F12: variants seen among roughly 807,000 people sequenced by gnomAD.
F12 encodes the protein Hageman factor.
F12 carries 70 observed loss-of-function variants against 74.8 expected under a neutral mutation model. The ratio of observed to expected loss-of-function variants is 0.94; its 90% CI spans 0.77 to 1.14. F12 has a LOEUF of 1.14. Ranked by LOEUF, F12 falls within the 50% of genes most tolerant of loss-of-function variation. The pLI, the probability that F12 is intolerant of heterozygous loss-of-function variation, is 0.00. For synonymous variants in F12, 373 were observed against 356.4 expected (o/e 1.05, Z -0.52); for missense variants, 811 against 835.7 (o/e 0.97, Z 0.36).
chr5:177,403,090 C>G, intron 12 of F12, 164 bp downstream of exon 12: 1 of 880,024 alleles, frequency 1.1e-6, no homozygotes, highest in East Asian at 2.6e-5. Flanking sequence ...ATCCCAGGCC[C>G]TGGGATTCTA....
At chr5:177,402,819 C>T in intron 12 of F12, 121 bp from the exon 13 acceptor site, 1 of 1,392,142 alleles carries the variant, frequency 7.2e-7, no homozygotes, top group South Asian at 1.2e-5. Flanking sequence ...GCAGCAAGCC[C>T]GAAGGGGAGG....
At position 177,405,931 on chromosome 5, in the gene F12, C is replaced by T. The variant is rs368701244; in HGVS notation, c.215+31G>A. ...ACAGGCAGGGTACATGTCTCCCAGG[C>T]CCCTGCTCCAACTCCTCTGCGTAGT... On this transcript the variant is annotated intron_variant, in intron 3 of 13. Coordinates refer to ENST00000253496, the MANE Select transcript of F12 (RefSeq NM_000505.4). 7.7e-5 allele frequency: 123 copies of T among 1,602,248 alleles called. No individual in the cohort carries two copies. The African/African-American group carries it at 1.5e-3, about 19-fold the overall frequency.
At chr5:177,406,443 C>T (rs1401894781) in intron 2 of F12, among the ~76,000 whole-genome samples, 3 of 151,782 alleles carry the variant, frequency 2.0e-5, no homozygotes, top group Admixed American at 6.6e-5. Flanking sequence ...GAGCCGAGAT[C>T]GCGCCACTGC....
chr5:177,404,165 C>A (rs750722005), intron 9 of F12, 31 bp downstream of exon 9: 4 of 1,555,632 alleles, frequency 2.6e-6, no homozygotes, highest in Non-Finnish European at 3.5e-6. Context: ...GGCGCCCTCT[C>A]GGCTCCTCCT....
Position 177,405,430 on chromosome 5 carries a change from T to G in F12, c.290A>C (p.His97Pro). 6.2e-7 allele frequency: 1 copy of G among 1,613,020 alleles called. No individual in the cohort carries two copies. Among genetic ancestry groups the G allele is most frequent in the African/African-American group, 1.3e-5 (1 of 75,042 alleles). ...CTGGCAGGGGCTGTGTTTGCTGCAGTGGTCTGAGAGATGGACATGGTGGAA... is the reference window on the plus strand; with the variant it reads ...CTGGCAGGGGCTGTGTTTGCTGCAGGGGTCTGAGAGATGGACATGGTGGAA... ...YCLEPKKVKD[H>P]CSKHSPCQKG... Residue 97 changes from histidine (H) to proline (P), a missense_variant, in exon 5 of 14, where the codon CAC becomes CCC. Transcript: ENST00000253496.
In F12 at chr5:177,405,809, T is replaced by C. The variant is rs1172990800; in HGVS notation, c.216-4A>G. On this transcript the variant is annotated splice_region_variant and splice_polypyrimidine_tract_variant and intron_variant, in intron 3 of 13. Coordinates refer to ENST00000253496, the MANE Select transcript of F12 (RefSeq NM_000505.4). ...AAAGTTGGGGGTGGTAGCACACCTG[T>C]AGAAAGAGACAAGGCTTCCCTGCTC... 2.5e-6 allele frequency: 4 copies of C among 1,614,110 alleles called. No homozygotes were observed. Among genetic ancestry groups the C allele is most frequent in the Middle Eastern group, 1.6e-4 (1 of 6,062 alleles).
intron 2 of F12, among the ~76,000 whole-genome samples, chr5:177,407,772 G>A (rs1336042465): frequency 4.9e-5 from 7 of 143,706 alleles, no homozygotes; most frequent in East Asian, 1.9e-4. Flanking sequence ...GGGACAGAGC[G>A]AGACTCCATC....
chr5:177,409,047 G>C lies in F12; in HGVS notation c.114C>G (p.Val38=), dbSNP rs765997905. The C allele has an allele frequency of 3.9e-6, 6 of 1,551,272 alleles. No homozygotes were observed. The highest frequency in any genetic ancestry group is 5.2e-6 in the Non-Finnish European group (6 of 1,146,994). ...GGGAGGAGGAGCCAGGCCACTTACC[G>C]ACTGTGTGCTCTTCAGCTTTGTACT... ...EHKYKAEEHT[V]VLTVTGEPCH... Residue 38 remains valine (V), a splice_region_variant and synonymous_variant, in exon 2 of 14, where the codon GTC becomes GTG. Transcript: ENST00000253496.
rs373535730 is a variant in F12, at chr5:177,402,428, T to C, written c.1712A>G (p.Asp571Gly). 1 of 1,611,702 alleles carries C rather than the reference T, an allele frequency of 6.2e-7. No individual in the cohort carries two copies. Among genetic ancestry groups the C allele is most frequent in the South Asian group, 1.1e-5 (1 of 90,682 alleles). The change falls in exon 14 of 14, where the codon GAC (aspartate) becomes GGC (glycine). Residue 571 changes from aspartate to glycine, a missense_variant. Transcript: ENST00000253496. ...GGTGAGCCGGCGCTCTGCAGCTTGG[T>C]CCTCACACACCAGCGGGCCTCCGGA... ...GDSGGPLVCE[D>G]QAAERRLTLQ...
At chr5:177,402,732 C>G in intron 12 of F12, 34 bp from the exon 13 acceptor site, 2 of 1,609,042 alleles carry the variant, frequency 1.2e-6, no homozygotes, top group Non-Finnish European at 1.7e-6. Context: ...CACACCCCAT[C>G]TGACAACGCT....
chr5:177,406,134 T>A, intron 2 of F12, 73 bp from the exon 3 acceptor site: 2 of 1,366,532 alleles, frequency 1.5e-6, no homozygotes. Flanking sequence ...CAGGGTCTGG[T>A]CAGGAAAAGG....
In F12 at chr5:177,409,548, G is replaced by C. The variant is rs1376815807; in HGVS notation, c.-21C>G. Reference sequence around the variant, plus strand: ...CTCATGGCATCCGTCCGTTGGTCCAGCTGCCTATCCAGGAGTCCAGATCAA... The same window carrying C: ...CTCATGGCATCCGTCCGTTGGTCCACCTGCCTATCCAGGAGTCCAGATCAA... On this transcript the variant is annotated 5_prime_UTR_variant, in exon 1 of 14. Transcript: ENST00000253496. 1 of 1,613,442 alleles carries C rather than the reference G, an allele frequency of 6.2e-7. No homozygotes were observed. Among genetic ancestry groups the C allele is most frequent in the Non-Finnish European group, 8.5e-7 (1 of 1,179,654 alleles).
intron 2 of F12, 111 bp from the exon 3 acceptor site, chr5:177,406,172 T>C: frequency 5.1e-6 from 5 of 981,488 alleles, no homozygotes; most frequent in South Asian, 1.3e-5. Context: ...TCGCTGTGCA[T>C]TGAAAACACT....
chr5:177,403,202 CCA>C, intron 12 of F12, 50 bp downstream of exon 12: 2 of 1,595,996 alleles, frequency 1.3e-6, no homozygotes, highest in Non-Finnish European at 1.7e-6. Flanking sequence ...TCCGCCTAAC[CCA>C]GTGATCAAAG....
chr5:177,405,910 G>T lies in F12; in HGVS notation c.215+52C>A, dbSNP rs368020806. ...CAGAGTTCCTTGGACAGAAGGACAG[G>T]CAGGGTACATGTCTCCCAGGCCCCT... On this transcript the variant is annotated intron_variant, in intron 3 of 13. Coordinates refer to ENST00000253496, the MANE Select transcript of F12 (RefSeq NM_000505.4). 1.2e-5 allele frequency: 20 copies of T among 1,600,734 alleles called. No homozygotes were observed. The African/African-American group carries it at 2.7e-4, about 21-fold the overall frequency.
rs1267369879 is a variant in F12 at position 177,402,714 on chromosome 5, G to T, written c.1532-16C>A. 10 of 1,610,800 alleles carry T rather than the reference G, an allele frequency of 6.2e-6. No homozygotes were observed. Among genetic ancestry groups the T allele is most frequent in the Non-Finnish European group, 8.5e-6 (10 of 1,179,796 alleles). ...TCCTCCGCCCCTGCGAACACAGAGC[G>T]CCTTCTTCACACCCCATCTGACAAC... On this transcript the variant is annotated splice_polypyrimidine_tract_variant and intron_variant, in intron 12 of 13. Transcript: ENST00000253496.
chr5:177,406,133 GT>G, intron 2 of F12, 72 bp from the exon 3 acceptor site: 1 of 1,359,068 alleles, frequency 7.4e-7, no homozygotes, highest in Non-Finnish European at 1.1e-6. Flanking sequence ...TCAGGGTCTG[GT>G]CAGGAAAAGG....
At position 177,405,983 on chromosome 5, in the gene F12, C is replaced by T; in HGVS notation, c.194G>A (p.Gly65Asp). The change falls in exon 3 of 14, where the codon GGC (glycine) becomes GAC (aspartate). Residue 65 changes from glycine to aspartate, a missense_variant. Physicochemically the swap from Gly to Asp is moderately conservative, Grantham distance 94 (BLOSUM62 -1). Coordinates refer to ENST00000253496, the MANE Select transcript of F12 (RefSeq NM_000505.4). Reference protein sequence around the residue: ...RQLYHKCTHKGRPGPQPWCAT... With the variant: ...RQLYHKCTHKDRPGPQPWCAT... ...TTACCAGGGCTGAGGGCCTGGCCGGCCCTTGTGGGTACATTTGTGGTACAG... is the reference window on the plus strand; with the variant it reads ...TTACCAGGGCTGAGGGCCTGGCCGGTCCTTGTGGGTACATTTGTGGTACAG... 1 of 1,614,076 alleles carries T rather than the reference C, an allele frequency of 6.2e-7. No individual in the cohort carries two copies. The highest frequency in any genetic ancestry group is 8.5e-7 in the Non-Finnish European group (1 of 1,180,022).
At position 177,404,205 on chromosome 5, in the gene F12, T is replaced by C; in HGVS notation, c.1009A>G (p.Thr337Ala). 6.2e-7 allele frequency: 1 copy of C among 1,602,334 alleles called. No homozygotes were observed. The highest frequency in any genetic ancestry group is 8.5e-7 in the Non-Finnish European group (1 of 1,173,936). ...CCCCCCACTTCCTAACCTCCCGGGG[T>C]CTGGGACTGAGGCGGGGTCCGGGTC... Reference protein sequence around the residue: ...PTTRTPPQSQTPGALPAKREQ... With the variant: ...PTTRTPPQSQAPGALPAKREQ... Residue 337 changes from threonine to alanine, a missense_variant, in exon 9 of 14, where the codon ACC (threonine) becomes GCC (alanine). Transcript: ENST00000253496.
Sources: allele counts gnomAD v4.1 joint callset (sites outside exome capture counted in the v4.1 genomes callset), GRCh38; gene constraint gnomAD v4.1.1; transcripts MANE v1.5; gene names NCBI Gene and HGNC (gene_info 2026-07-23, HGNC 2026-07-21).